The following ZNF385D variants were observed in gnomAD, a reference collection of about 807,000 sequenced individuals.
ZNF385D encodes zinc finger protein 385D, also known as zinc finger protein 659.
ZNF385D carries 15 observed loss-of-function variants against 35.8 expected under a neutral mutation model. The observed-to-expected ratio is 0.42, with a 90% CI of 0.28 to 0.64. The LOEUF (loss-of-function observed/expected upper bound fraction) is 0.64. Ranked by LOEUF, ZNF385D falls within the 30% of genes least tolerant of loss-of-function variation. The pLI is 0.23. For synonymous variants in ZNF385D, 212 were observed against 186.8 expected (o/e 1.13, Z -1.10); for missense variants, 474 against 494.6 (o/e 0.96, Z 0.39).
chr3:21,753,032 GA>G (rs2125562762), upstream of ZNF385D, among the ~76,000 whole-genome samples: 1 of 152,224 alleles, frequency 6.6e-6, no homozygotes, highest in South Asian at 2.1e-4. Flanking sequence ...ATTGAGAGTT[GA>G]GTTTCAAATA....
At chr3:22,283,452 T>C (rs879338604) in intron 2 of ZNF385D, among the ~76,000 whole-genome samples, 6 of 152,180 alleles carry the variant, frequency 3.9e-5, no homozygotes, top group Admixed American at 6.6e-5. Context: ...TCAAGTCAGA[T>C]ATGTAAGCAG....
intron 3 of ZNF385D, among the ~76,000 whole-genome samples, chr3:21,841,451 A>G (rs1188307851): frequency 6.6e-6 from 1 of 151,942 alleles, no homozygotes; most frequent in East Asian, 1.9e-4. Context: ...AAAAAGTCAG[A>G]CTACTGTATT....
chr3:21,703,303 C>G (rs1055220784), intron 1 of ZNF385D, among the ~76,000 whole-genome samples: 3 of 152,108 alleles, frequency 2.0e-5, no homozygotes, highest in Non-Finnish European at 4.4e-5. Context: ...TAATCACTAT[C>G]ACGAGAATAG....
chr3:21,707,548 C>T (rs1490015154), intron 1 of ZNF385D, among the ~76,000 whole-genome samples: 2 of 152,082 alleles, frequency 1.3e-5, no homozygotes, highest in Non-Finnish European at 2.9e-5. Context: ...CGAAAGACCT[C>T]TACATATAGA....
chr3:21,852,718 A>C (rs961699056), intron 3 of ZNF385D, among the ~76,000 whole-genome samples: 4 of 151,948 alleles, frequency 2.6e-5, no homozygotes, highest in Admixed American at 6.6e-5. Flanking sequence ...TGGGGGTAAG[A>C]TGAAAAGTTA....
chr3:21,423,639 A>G (rs1700846087), intron 7 of ZNF385D, among the ~76,000 whole-genome samples: 1 of 152,220 alleles, frequency 6.6e-6, no homozygotes, highest in Non-Finnish European at 1.5e-5. Context: ...CTGTTATTCA[A>G]AATCCAAAAT....
intron 3 of ZNF385D, among the ~76,000 whole-genome samples, chr3:21,778,101 G>A (rs905094600): frequency 6.6e-6 from 1 of 151,872 alleles, no homozygotes; most frequent in Non-Finnish European, 1.5e-5. Flanking sequence ...TCCCTTAGAA[G>A]TTTTAGCAAC....
At chr3:21,908,116 CTATATCTA>C (rs771493575) in intron 3 of ZNF385D, among the ~76,000 whole-genome samples, 4 of 123,502 alleles carry the variant, frequency 3.2e-5, no homozygotes, top group African/African-American at 9.0e-5. Flanking sequence ...ATCTTTCTCT[CTATATCTA>C]TCTATCTATC....
chr3:22,076,129 T>G lies in ZNF385D; in HGVS notation c.325+92688A>C, dbSNP rs137956939. Among the ~76,000 whole-genome samples the G allele has an allele frequency of 2.1e-3, 321 of 152,078 alleles. 1 individual carries two copies. Among genetic ancestry groups the G allele is most frequent in the African/African-American group, 7.1e-3 (296 of 41,536 alleles). On this transcript the variant is annotated intron_variant, in intron 3 of 5. Transcript: ENST00000494108. ...CACTTCTCACTTCTAATTTGCCTCC[T>G]TTTCATTCCATTTTCCACTGAACTT...
At chr3:21,832,340 T>C (rs528190932) in intron 3 of ZNF385D, among the ~76,000 whole-genome samples, 12 of 152,338 alleles carry the variant, frequency 7.9e-5, no homozygotes, top group African/African-American at 2.4e-4. Context: ...TTTGTTAGAC[T>C]CATTCACATT....
At position 22,171,176 on chromosome 3, in the gene ZNF385D, C is replaced by A. The variant is rs189594196; in HGVS notation, c.107-2141G>T. Among the ~76,000 whole-genome samples, 13 of 152,268 alleles carry A rather than the reference C, an allele frequency of 8.5e-5. No individual in the cohort carries two copies. In the East Asian group the frequency reaches 2.5e-3, roughly 29 times the overall value. On this transcript the variant is annotated intron_variant, in intron 2 of 5. Transcript: ENST00000494108. ...AAGAACTTATTTCCTCCAGCGTGAACAGCTTAGGTTTGCCAGAATTAGGCA... is the reference window on the plus strand; with the variant it reads ...AAGAACTTATTTCCTCCAGCGTGAAAAGCTTAGGTTTGCCAGAATTAGGCA...
chr3:21,681,400 G>C (rs1559513732), intron 1 of ZNF385D, among the ~76,000 whole-genome samples: 1 of 149,204 alleles, frequency 6.7e-6, no homozygotes, highest in African/African-American at 2.5e-5. Context: ...TTTCTGGAAA[G>C]GTAAAGGCTG....
At chr3:22,304,457 A>G (rs1252625629) in intron 2 of ZNF385D, among the ~76,000 whole-genome samples, 2 of 152,198 alleles carry the variant, frequency 1.3e-5, no homozygotes, top group Non-Finnish European at 2.9e-5. Context: ...AAGGTATATT[A>G]GAGACTTTTC....
intron 3 of ZNF385D, among the ~76,000 whole-genome samples, chr3:22,130,810 T>A (rs1703741544): frequency 6.6e-6 from 1 of 152,166 alleles, no homozygotes; most frequent in Non-Finnish European, 1.5e-5. Context: ...CTTATGAAGG[T>A]ACCTTCTTCT....
chr3:22,070,391 T>C (rs558690165), intron 3 of ZNF385D, among the ~76,000 whole-genome samples: 3 of 152,166 alleles, frequency 2.0e-5, no homozygotes, highest in Admixed American at 6.6e-5. Context: ...AAAACATTCC[T>C]AAGTTGTAAA....
intron 3 of ZNF385D, among the ~76,000 whole-genome samples, chr3:21,802,865 G>T (rs1373248510): frequency 1.3e-5 from 2 of 152,302 alleles, no homozygotes; most frequent in Admixed American, 6.5e-5. Context: ...CTAAACAGAT[G>T]TAAGTGCTCA....
At chr3:22,371,022 G>T (rs1696879129) in intron 2 of ZNF385D, among the ~76,000 whole-genome samples, 1 of 152,180 alleles carries the variant, frequency 6.6e-6, no homozygotes, top group African/African-American at 2.4e-5. Context: ...GCTCCATGAA[G>T]AGAGTGCTCA....
chr3:21,931,801 T>A (rs553173902), intron 3 of ZNF385D, among the ~76,000 whole-genome samples: 3 of 152,108 alleles, frequency 2.0e-5, no homozygotes, highest in Non-Finnish European at 4.4e-5. Flanking sequence ...TTAAAAGTCA[T>A]TGGATTGTAC....
At position 21,922,553 on chromosome 3, in the gene ZNF385D, A is replaced by C. The variant is rs112562653; in HGVS notation, c.325+246264T>G. ...AGCAATGAGGAAAGGACTCCTATTC[A>C]ATAAATTGTGTTGAGAAGGCTAGCT... On this transcript the variant is annotated intron_variant, in intron 3 of 5. Transcript: ENST00000494108. Among the ~76,000 whole-genome samples the C allele has an allele frequency of 3.8e-3, 576 of 152,318 alleles. 2 individuals carry two copies. Among genetic ancestry groups the C allele is most frequent in the African/African-American group, 0.013 (549 of 41,578 alleles).
Sources: allele counts gnomAD v4.1 joint callset (sites outside exome capture counted in the v4.1 genomes callset), GRCh38; gene constraint gnomAD v4.1.1; transcripts MANE v1.5; gene names NCBI Gene and HGNC (gene_info 2026-07-23, HGNC 2026-07-21).